The following GLI3 variants were observed in gnomAD, a reference collection of about 807,000 sequenced individuals.
The protein encoded by GLI3 is GLI family zinc finger 3, also known as transcription activator GLI3.
In GLI3, 20 loss-of-function variants were observed where a neutral mutation model predicts 100.8. That is an observed-to-expected ratio of 0.20 (90% CI 0.14 to 0.29). The LOEUF is 0.29. Ranked by LOEUF, GLI3 falls within the 10% of genes least tolerant of loss-of-function variation. GLI3 has a pLI of 1.00. For missense variants in GLI3, 2,040 were observed against 2,128.5 expected, an observed-to-expected ratio of 0.96 and a Z score of 0.82; for synonymous variants, 938 against 860.5, an observed-to-expected ratio of 1.09 and a Z score of -1.58.
chr7:42,259,829 A>G (rs1789121363), intron 1 of GLI3, among the ~76,000 whole-genome samples: 1 of 152,188 alleles, frequency 6.6e-6, no homozygotes, highest in South Asian at 2.1e-4. Flanking sequence ...TTGACTCAAA[A>G]TTGCTTGGAT....
chr7:42,106,140 G>A (rs895611554), intron 3 of GLI3, among the ~76,000 whole-genome samples: 2 of 152,174 alleles, frequency 1.3e-5, no homozygotes, highest in Non-Finnish European at 2.9e-5. Flanking sequence ...AGCAGTTCCA[G>A]CATGTTCCGT....
chr7:42,036,336 C>G (rs1360896520), intron 7 of GLI3, among the ~76,000 whole-genome samples: 1 of 152,138 alleles, frequency 6.6e-6, no homozygotes, highest in Non-Finnish European at 1.5e-5. Context: ...GATGAGAATT[C>G]TAATTACTCA....
intron 4 of GLI3, among the ~76,000 whole-genome samples, chr7:42,059,315 A>G (rs896320775): frequency 6.6e-6 from 1 of 151,838 alleles, no homozygotes; most frequent in African/African-American, 2.4e-5. Context: ...ATGTCTAATA[A>G]ATGAAAGACA....
rs796324349 is a variant in GLI3 at position 42,012,684 on chromosome 7, GA to G, written c.1497+10783del. ...ACAAGAATAATCCCCTCTTGATCAA[GA>G]AAAAAAAAATCTGCATTATATCAAT... On this transcript the variant is annotated intron_variant, in intron 10 of 14. Transcript: ENST00000395925. 3.7e-3 allele frequency among the ~76,000 whole-genome samples: 555 copies of G among 149,392 alleles called. 4 individuals carry two copies. Among genetic ancestry groups the G allele is most frequent in the Middle Eastern group, 0.014 (4 of 288 alleles).
intron 3 of GLI3, among the ~76,000 whole-genome samples, chr7:42,103,602 A>G (rs1785512674): frequency 6.6e-6 from 1 of 152,170 alleles, no homozygotes; most frequent in African/African-American, 2.4e-5. Context: ...CTATTTCTTC[A>G]GCTATTACAC....
chr7:42,241,088 G>T (rs1257850105), upstream of GLI3, among the ~76,000 whole-genome samples: 1 of 152,108 alleles, frequency 6.6e-6, no homozygotes, highest in Non-Finnish European at 1.5e-5. Context: ...GGATTGGGTG[G>T]CTGTTTTTAT....
rs781368807 is a variant in GLI3, at chr7:42,025,273, C to G, written c.1347G>C (p.Arg449=). The part of the protein sequence containing the change: ...PDEDLPSPGA[R]GQQEQPEGTT... The stretch of plus-strand genomic sequence containing the variant: ...GGCCTCGGTGTCCTACCTGCTGCCC[C>G]CGAGCCCCTGGGCTGGGGAGGTCTT... Residue 449 remains arginine, a synonymous_variant, in exon 9 of 15, where the codon CGG becomes CGC. Transcript: ENST00000395925. 1.2e-6 allele frequency: 2 copies of G among 1,612,348 alleles called. No homozygotes were observed. Among genetic ancestry groups the G allele is most frequent in the South Asian group, 1.1e-5 (1 of 91,034 alleles).
In GLI3 at chr7:41,972,192, C is replaced by T; in HGVS notation, c.2103+145G>A. 2 of 800,544 alleles carry T rather than the reference C, an allele frequency of 2.5e-6. No individual in the cohort carries two copies. Among genetic ancestry groups the T allele is most frequent in the Non-Finnish European group, 2.2e-6 (1 of 454,606 alleles). 49.6% of individuals were successfully genotyped at this position (800,544 alleles called of 1,614,324 possible). On this transcript the variant is annotated intron_variant, in intron 13 of 14. Coordinates refer to ENST00000395925, the MANE Select transcript of GLI3 (RefSeq NM_000168.6). This position sits in a 1 kb window ranked among gnomAD's most constrained non-coding sequence, Gnocchi z 4.4. ...TCTGAGCTGATCGACTTCACGTAAGCAATACGGGTCACTGCCCTCATCGCC... is the reference window on the plus strand; with the variant it reads ...TCTGAGCTGATCGACTTCACGTAAGTAATACGGGTCACTGCCCTCATCGCC...
At chr7:41,998,686 C>G (rs902381177) in intron 10 of GLI3, among the ~76,000 whole-genome samples, 1 of 152,158 alleles carries the variant, frequency 6.6e-6, no homozygotes, top group African/African-American at 2.4e-5. Flanking sequence ...TGGCTCAGTA[C>G]AAATTACACT....
At chr7:42,162,965 CTTTTTTTTTTTT>C (rs58993499) in intron 2 of GLI3, among the ~76,000 whole-genome samples, 7 of 95,592 alleles carry the variant, frequency 7.3e-5, no homozygotes, top group Admixed American at 2.4e-4. Flanking sequence ...GAATAAACAC[CTTTTTTTTTTTT>C]TTTTTTTTTT....
At chr7:42,120,197 T>C (rs933652812) in intron 3 of GLI3, among the ~76,000 whole-genome samples, 2 of 152,212 alleles carry the variant, frequency 1.3e-5, no homozygotes, top group African/African-American at 4.8e-5. Context: ...ATGCAAGACA[T>C]TTCTAAGGTG....
chr7:42,119,052 T>C (rs1785930656), intron 3 of GLI3, among the ~76,000 whole-genome samples: 1 of 152,072 alleles, frequency 6.6e-6, no homozygotes, highest in Admixed American at 6.5e-5. Flanking sequence ...GCAGGGCTGA[T>C]AGGAGCTTCC....
chr7:42,187,875 C>T (rs916698249), intron 2 of GLI3, among the ~76,000 whole-genome samples: 1 of 151,742 alleles, frequency 6.6e-6, no homozygotes, highest in Non-Finnish European at 1.5e-5. Flanking sequence ...TGGTGACAGG[C>T]ACCTGTAATC....
rs1174300771 is a variant in GLI3 at position 41,966,327 on chromosome 7, G to A, written c.2746C>T (p.Pro916Ser). Residue 916 changes from proline (P) to serine (S), a missense_variant, in exon 15 of 15, where the codon CCC (proline) becomes TCC (serine). Physicochemically the swap from Pro to Ser is moderately conservative, Grantham distance 74. Around this residue, in one of 5 missense-constraint regions of GLI3, gnomAD observed 1,041 missense variants for 924.0 expected, o/e 1.13. Coordinates refer to ENST00000395925, the MANE Select transcript of GLI3 (RefSeq NM_000168.6). The surrounding 1 kb of genome is among the most constrained non-coding windows in gnomAD (Gnocchi z 5.8). ...SSEASQSDGLPSLLSLTPAQQ... is the reference protein window; with the variant it reads ...SSEASQSDGLSSLLSLTPAQQ... ...GCGGGCGTGAGGCTGAGCAGGCTGG[G>A]CAGGCCGTCGCTCTGGCTGGCTTCG... 6.2e-7 allele frequency: 1 copy of A among 1,607,544 alleles called. No homozygotes were observed. Among genetic ancestry groups the A allele is most frequent in the Admixed American group, 1.7e-5 (1 of 59,942 alleles).
intron 2 of GLI3, among the ~76,000 whole-genome samples, chr7:42,181,388 C>G (rs908365333): frequency 4.6e-5 from 7 of 152,004 alleles, no homozygotes; most frequent in Admixed American, 1.3e-4. Context: ...ATATCTTGAG[C>G]CCAGGAGTTC....
intron 2 of GLI3, among the ~76,000 whole-genome samples, chr7:42,165,310 C>A (rs1449974271): frequency 1.3e-5 from 2 of 152,126 alleles, no homozygotes; most frequent in African/African-American, 4.8e-5. Context: ...CAGAAACCAG[C>A]AAAAGTTCTG....
At chr7:42,104,367 C>T (rs942632337) in intron 3 of GLI3, among the ~76,000 whole-genome samples, 2 of 152,210 alleles carry the variant, frequency 1.3e-5, no homozygotes, top group African/African-American at 4.8e-5. Context: ...CTTGTTCACA[C>T]ATCCGCTCTA....
chr7:42,142,523 TA>T (rs1216237618), intron 3 of GLI3, among the ~76,000 whole-genome samples: 1 of 152,208 alleles, frequency 6.6e-6, no homozygotes, highest in Non-Finnish European at 1.5e-5. Context: ...CAAATTTTTC[TA>T]AATGCTACAG....
At chr7:42,188,857 A>G (rs1438470987) in intron 2 of GLI3, among the ~76,000 whole-genome samples, 1 of 152,232 alleles carries the variant, frequency 6.6e-6, no homozygotes, top group Non-Finnish European at 1.5e-5. Flanking sequence ...AAGAACTGGT[A>G]GAGCACAGGG....
Sources: allele counts gnomAD v4.1 joint callset (sites outside exome capture counted in the v4.1 genomes callset), GRCh38; gene constraint gnomAD v4.1.1; regional missense constraint gnomAD v4.1.1; non-coding constraint Gnocchi (gnomAD v3.1); transcripts MANE v1.5; gene names NCBI Gene and HGNC (gene_info 2026-07-23, HGNC 2026-07-21).